MOXD1: variants seen among roughly 807,000 people sequenced by gnomAD.
The protein encoded by MOXD1 is DBH-like monooxygenase protein 1.
Under a neutral mutation model 66.6 loss-of-function variants are expected in MOXD1, and 62 were observed. The observed-to-expected ratio is 0.93, with a 90% CI of 0.76 to 1.15. The LOEUF (loss-of-function observed/expected upper bound fraction) is 1.15, where lower values mean the gene tolerates loss of function less well. MOXD1 is among the 50% of genes most tolerant of loss of function. MOXD1 has a pLI of 0.00. For synonymous variants in MOXD1, 303 were observed against 281.9 expected, an observed-to-expected ratio of 1.07 and a Z score of -0.75; for missense variants, 847 against 754.6, an observed-to-expected ratio of 1.12 and a Z score of -1.44.
chr6:132,374,958 C>T (rs2114666099), intron 1 of MOXD1, 181 bp from the exon 2 acceptor site: 2 of 630,468 alleles, frequency 3.2e-6, no homozygotes, highest in Non-Finnish European at 5.5e-6. Flanking sequence ...CATCTTTGAA[C>T]TTCTGGCCTT....
intron 4 of MOXD1, among the ~76,000 whole-genome samples, chr6:132,343,629 G>A (rs887794419): frequency 1.3e-5 from 2 of 151,686 alleles, no homozygotes; most frequent in Non-Finnish European, 2.9e-5. Flanking sequence ...AGAGAAAAAG[G>A]TGTTAAATAA....
chr6:132,324,236 G>C, intron 6 of MOXD1, 139 bp from the exon 7 acceptor site: 6 of 843,556 alleles, frequency 7.1e-6, no homozygotes, highest in Non-Finnish European at 1.1e-5. Flanking sequence ...ACTGTCATGA[G>C]GGAAAGGGAT....
At chr6:132,366,576 G>A (rs1776146447) in intron 4 of MOXD1, among the ~76,000 whole-genome samples, 1 of 152,084 alleles carries the variant, frequency 6.6e-6, no homozygotes, top group African/African-American at 2.4e-5. Flanking sequence ...TGTCAGAGAA[G>A]AGCTAATTCT....
intron 1 of MOXD1, among the ~76,000 whole-genome samples, chr6:132,394,189 C>T (rs1033690742): frequency 7.9e-5 from 12 of 152,192 alleles, no homozygotes; most frequent in Admixed American, 7.8e-4. Context: ...CTGAGGAAAT[C>T]ACAGACACCA....
chr6:132,360,739 G>A (rs774976288), intron 4 of MOXD1, among the ~76,000 whole-genome samples: 15 of 152,148 alleles, frequency 9.9e-5, no homozygotes, highest in Non-Finnish European at 1.3e-4. Flanking sequence ...GAAAAACTAC[G>A]TGTTATATTG....
intron 1 of MOXD1, among the ~76,000 whole-genome samples, chr6:132,382,286 AAGT>A (rs756696350): frequency 1.3e-5 from 2 of 152,196 alleles, no homozygotes. Flanking sequence ...TTAAGGAAAA[AAGT>A]AGATGTTTTT....
intron 4 of MOXD1, among the ~76,000 whole-genome samples, chr6:132,365,674 C>G (rs1776106905): frequency 6.6e-6 from 1 of 152,154 alleles, no homozygotes; most frequent in Non-Finnish European, 1.5e-5. Context: ...CTTGTACTCT[C>G]AAGTGACTAA....
intron 4 of MOXD1, among the ~76,000 whole-genome samples, chr6:132,360,722 T>C (rs529651572): frequency 6.6e-6 from 1 of 152,284 alleles, no homozygotes; most frequent in East Asian, 1.9e-4. Context: ...TGTGAGGTCT[T>C]TGGGCTGAAA....
chr6:132,400,604 A>G (rs1396608293), intron 1 of MOXD1, among the ~76,000 whole-genome samples: 1 of 152,112 alleles, frequency 6.6e-6, no homozygotes. Context: ...CTTCCTGAAC[A>G]GCTCTCGGAA....
At chr6:132,358,644 G>A (rs1474835573) in intron 4 of MOXD1, among the ~76,000 whole-genome samples, 1 of 152,120 alleles carries the variant, frequency 6.6e-6, no homozygotes, top group Non-Finnish European at 1.5e-5. Flanking sequence ...GAAAAGTAAA[G>A]GGGCATATTC....
intron 4 of MOXD1, among the ~76,000 whole-genome samples, chr6:132,367,284 A>G (rs978534454): frequency 1.3e-5 from 2 of 152,116 alleles, no homozygotes; most frequent in African/African-American, 4.8e-5. Context: ...ACAGATTAGC[A>G]ATTGAGTGTT....
intron 4 of MOXD1, among the ~76,000 whole-genome samples, chr6:132,346,364 G>A (rs932721586): frequency 3.3e-5 from 5 of 151,890 alleles, no homozygotes; most frequent in African/African-American, 1.2e-4. Context: ...TATTATTTTA[G>A]CACTTATTCA....
At chr6:132,348,138 G>C (rs1325067808) in intron 4 of MOXD1, among the ~76,000 whole-genome samples, 2 of 152,132 alleles carry the variant, frequency 1.3e-5, no homozygotes, top group Non-Finnish European at 2.9e-5. Context: ...TAAATCTCCT[G>C]TTGCTTTCCA....
At chr6:132,366,854 G>A (rs117520506) in intron 4 of MOXD1, among the ~76,000 whole-genome samples, 452 of 152,066 alleles carry the variant, frequency 3.0e-3, no homozygotes, top group Non-Finnish European at 5.2e-3. Flanking sequence ...ATCAATTTTC[G>A]AGTGGCTATT....
At chr6:132,363,235 C>A (rs550136005) in intron 4 of MOXD1, among the ~76,000 whole-genome samples, 5 of 132,594 alleles carry the variant, frequency 3.8e-5, no homozygotes, top group Admixed American at 7.4e-5. Flanking sequence ...AAAAAAAAAA[C>A]CAAAGAGACT....
At chr6:132,384,239 TCTCTTCCTTCCTTCCTTCCTTC>T (rs1776570744) in intron 1 of MOXD1, among the ~76,000 whole-genome samples, 3 of 73,242 alleles carry the variant, frequency 4.1e-5, no homozygotes, top group African/African-American at 1.7e-4. Context: ...CCTCCCTCCC[TCTCTTCCTTCCTTCCTTCCTTC>T]CTTCCTTCCT....
chr6:132,354,046 T>A (rs1775861013), intron 4 of MOXD1, among the ~76,000 whole-genome samples: 1 of 152,238 alleles, frequency 6.6e-6, no homozygotes, highest in African/African-American at 2.4e-5. Flanking sequence ...ATCTATTTCC[T>A]TAAATATTTC....
At chr6:132,399,539 G>A (rs1334387727) in intron 1 of MOXD1, among the ~76,000 whole-genome samples, 1 of 152,180 alleles carries the variant, frequency 6.6e-6, no homozygotes. Context: ...GTTTATCTTT[G>A]TGGTGGGCCT....
chr6:132,394,195 C>T (rs1776825966), intron 1 of MOXD1, among the ~76,000 whole-genome samples: 1 of 152,182 alleles, frequency 6.6e-6, no homozygotes, highest in African/African-American at 2.4e-5. Context: ...AAATCACAGA[C>T]ACCACTGACA....
Sources: gnomAD v4.1 joint callset for allele counts (sites outside exome capture counted in the v4.1 genomes callset) on GRCh38, gnomAD v4.1.1 for gene constraint, MANE v1.5 for transcripts, NCBI Gene and HGNC (gene_info 2026-07-23, HGNC 2026-07-21) for gene names.